Variants in CNKSR2 observed in about 807,000 individuals in gnomAD.
CNKSR2 encodes CNK homolog protein 2.
CNKSR2 carries 14 observed loss-of-function variants against 84.4 expected under a neutral mutation model. That is an observed-to-expected ratio of 0.17 (90% CI 0.11 to 0.26). The LOEUF (loss-of-function observed/expected upper bound fraction) is 0.26, where lower values mean the gene tolerates loss of function less well. Among genes scored for constraint, CNKSR2 ranks in the 10% least tolerant of loss-of-function variants. The pLI is 1.00. For missense variants in CNKSR2, 485 were observed against 771.2 expected (o/e 0.63, Z 4.40); for synonymous variants, 275 against 277.9 (o/e 0.99, Z 0.10).
At chrX:21,414,269 G>A (rs951780100) in intron 1 of CNKSR2, among the ~76,000 whole-genome samples, 4 of 111,411 alleles carry the variant, frequency 3.6e-5, no homozygotes, top group African/African-American at 1.3e-4. Flanking sequence ...CATTTTAACT[G>A]GGGTGAGATG....
At chrX:21,545,956 G>A (rs1043531288) in intron 11 of CNKSR2, among the ~76,000 whole-genome samples, 15 of 111,609 alleles carry the variant, frequency 1.3e-4, no homozygotes, top group African/African-American at 2.9e-4. Context: ...ATAAATCCAC[G>A]AAGATGAAGA....
chrX:21,609,649 G>A, intron 20 of CNKSR2, 32 bp downstream of exon 20: 3 of 1,145,756 alleles, frequency 2.6e-6, no homozygotes, highest in East Asian at 6.3e-5. Context: ...CTTAGCCTGT[G>A]TACACAAAGT....
chrX:21,652,430 C>T lies in CNKSR2; in HGVS notation c.3014C>T (p.Thr1005Ile). 1 of 1,208,276 alleles carries T rather than the reference C, an allele frequency of 8.3e-7. No homozygotes were observed. Among genetic ancestry groups the T allele is most frequent in the Non-Finnish European group, 1.1e-6 (1 of 892,357 alleles). ...TTCTTGGATATCTGTCAAAATACCA[C>T]CTCAAATGACCCACTGAGTATTTCT... ...DLFLDICQNT[T>I]SNDPLSISSE... is the part of the protein sequence containing the mutation. The change falls in exon 22 of 22, where the codon ACC becomes ATC. Residue 1005 changes from threonine (T) to isoleucine (I), a missense_variant. Thr to Ile is a moderately conservative substitution (Grantham distance 89, BLOSUM62 -1). This residue lies in a region of CNKSR2 where 210 missense variants were observed against 291.5 expected (regional missense o/e 0.72). Transcript: ENST00000379510.
intron 3 of CNKSR2, among the ~76,000 whole-genome samples, chrX:21,437,419 G>GTTT (rs749717203): frequency 1.3e-4 from 11 of 86,557 alleles, no homozygotes; most frequent in African/African-American, 1.7e-4. Flanking sequence ...TCTCTATGTA[G>GTTT]TTTTTTTTTT....
In CNKSR2 at chrX:21,374,615, A is replaced by AGCAGCAGCAGCAGCAGCCGCC; in HGVS notation, c.-280_-260dup. On this transcript the variant is annotated 5_prime_UTR_variant, in exon 1 of 22. Coordinates refer to ENST00000379510, the MANE Select transcript of CNKSR2 (RefSeq NM_014927.5). Reference sequence around the variant, plus strand: ...CGGAGGCAGCAGCAGCAGCAGCAGCAGCAGCAGCAGCAGCAGCCGCCGCCG... The same window carrying AGCAGCAGCAGCAGCAGCCGCC: ...CGGAGGCAGCAGCAGCAGCAGCAGCAGCAGCAGCAGCAGCAGCCGCCGCAGCAGCAGCAGCAGCCGCCGCCG... 1 of 505,902 alleles carries AGCAGCAGCAGCAGCAGCCGCC rather than the reference A, an allele frequency of 2.0e-6. No individual in the cohort carries two copies. Among genetic ancestry groups the AGCAGCAGCAGCAGCAGCCGCC allele is most frequent in the South Asian group, 2.5e-5 (1 of 39,608 alleles). The allele number at this position is 505,902 out of a possible 1,213,427, so 41.7% of individuals were successfully genotyped here. A position where few individuals can be genotyped will look rare whatever the true frequency, so the allele number is the denominator to read the frequency against.
At chrX:21,545,187 C>T (rs1318015114) in intron 11 of CNKSR2, among the ~76,000 whole-genome samples, 1 of 111,859 alleles carries the variant, frequency 8.9e-6, no homozygotes, top group Non-Finnish European at 1.9e-5. Context: ...CTGGGATGCT[C>T]AACCTTGCTG....
intron 1 of CNKSR2, among the ~76,000 whole-genome samples, chrX:21,381,744 C>T (rs1348338490): frequency 8.9e-6 from 1 of 112,034 alleles, no homozygotes; most frequent in African/African-American, 3.2e-5. Flanking sequence ...TGTTTGCCTA[C>T]CACTGGACAT....
At chrX:21,570,642 T>C (rs1028612931) in intron 13 of CNKSR2, among the ~76,000 whole-genome samples, 2 of 112,145 alleles carry the variant, frequency 1.8e-5, no homozygotes, top group African/African-American at 6.5e-5. Context: ...TGATTTAAAG[T>C]GAGAGACGTG....
chrX:21,606,957 T>C, intron 19 of CNKSR2, 78 bp downstream of exon 19: 1 of 501,346 alleles, frequency 2.0e-6, no homozygotes. Context: ...AAAACATATG[T>C]AGTAGATTGC....
chrX:21,539,304 A>G (rs1343205525), intron 11 of CNKSR2, among the ~76,000 whole-genome samples: 1 of 110,857 alleles, frequency 9.0e-6, no homozygotes, highest in African/African-American at 3.3e-5. Context: ...TCTCAGTTGT[A>G]TGTTTTTATT....
At chrX:21,598,327 G>T (rs369920826) in intron 17 of CNKSR2, among the ~76,000 whole-genome samples, 40 of 110,975 alleles carry the variant, frequency 3.6e-4, no homozygotes, top group African/African-American at 1.1e-3. Context: ...TCCTTACCAT[G>T]TCAGTACACA....
intron 11 of CNKSR2, 180 bp downstream of exon 11, chrX:21,532,247 A>G (rs1012308966): frequency 3.3e-6 from 1 of 306,942 alleles, no homozygotes; most frequent in African/African-American, 2.7e-5. Flanking sequence ...TATATTAAAA[A>G]TTATTCTAGA....
chrX:21,440,840 G>A, intron 4 of CNKSR2, 59 bp downstream of exon 4: 1 of 715,110 alleles, frequency 1.4e-6, no homozygotes. Flanking sequence ...TTCCAACAAT[G>A]GGAAGTATCC....
intron 11 of CNKSR2, among the ~76,000 whole-genome samples, chrX:21,536,120 T>G (rs1332658440): frequency 9.0e-6 from 1 of 111,531 alleles, no homozygotes; most frequent in African/African-American, 3.2e-5. Context: ...TATTGAAATG[T>G]TTATATGGTT....
At chrX:21,545,724 A>G (rs2092019226) in intron 11 of CNKSR2, among the ~76,000 whole-genome samples, 1 of 112,059 alleles carries the variant, frequency 8.9e-6, no homozygotes, top group Non-Finnish European at 1.9e-5. Context: ...AGAGGAAGGA[A>G]CAGGCAGCAA....
At chrX:21,510,042 T>A (rs1321150728) in intron 8 of CNKSR2, among the ~76,000 whole-genome samples, 1 of 111,628 alleles carries the variant, frequency 9.0e-6, no homozygotes, top group Non-Finnish European at 1.9e-5. Flanking sequence ...GGCTTGTGTG[T>A]TGAATTAAGT....
At chrX:21,442,959 CGTG>C (rs1404097652) in intron 4 of CNKSR2, among the ~76,000 whole-genome samples, 3 of 110,204 alleles carry the variant, frequency 2.7e-5, no homozygotes, top group South Asian at 7.8e-4. Flanking sequence ...ATTGAGTACA[CGTG>C]GACACAAGGG....
intron 15 of CNKSR2, chrX:21,592,754 G>A (rs1252390822): frequency 2.7e-5 from 3 of 110,029 alleles, no homozygotes; most frequent in Non-Finnish European, 3.8e-5. Flanking sequence ...CCTCTGCTTC[G>A]CTAAGTGTGT....
At chrX:21,421,204 C>G (rs1482893134) in intron 1 of CNKSR2, among the ~76,000 whole-genome samples, 2 of 110,099 alleles carry the variant, frequency 1.8e-5, no homozygotes, top group Admixed American at 1.9e-4. Context: ...GCTGTGCTCT[C>G]CCTCCAGCAC....
Sources: allele counts gnomAD v4.1 joint callset (sites outside exome capture counted in the v4.1 genomes callset), GRCh38; gene constraint gnomAD v4.1.1; regional missense constraint gnomAD v4.1.1; transcripts MANE v1.5; gene names NCBI Gene and HGNC (gene_info 2026-07-23, HGNC 2026-07-21).